VPS13B: variants seen among roughly 807,000 people sequenced by gnomAD.
VPS13B encodes the protein vacuolar protein sorting 13 homolog B.
Under a neutral mutation model 426.4 loss-of-function variants are expected in VPS13B, and 285 were observed. The ratio of observed to expected loss-of-function variants is 0.67; its 90% CI spans 0.61 to 0.74. The LOEUF is 0.74. VPS13B is among the 30% of genes least tolerant of loss of function. The pLI is 0.00. For missense variants in VPS13B, 4,537 were observed against 4,782.6 expected, an observed-to-expected ratio of 0.95 and a Z score of 1.51; for synonymous variants, 1,676 against 1,676.4, an observed-to-expected ratio of 1.00 and a Z score of 0.01.
intron 2 of VPS13B, among the ~76,000 whole-genome samples, chr8:99,030,135 C>CTTTTTTTTTTTTTTTTT (rs58542671): frequency 1.3e-5 from 1 of 75,744 alleles, no homozygotes; most frequent in Non-Finnish European, 2.4e-5. Flanking sequence ...AAAATACATG[C>CTTTTTTTTTTTTTTTTT]TTTTTTTTTT....
chr8:99,410,226 G>GT (rs1815559226), intron 21 of VPS13B, among the ~76,000 whole-genome samples: 1 of 152,020 alleles, frequency 6.6e-6, no homozygotes, highest in Non-Finnish European at 1.5e-5. Flanking sequence ...CTATCTCTTG[G>GT]TACCTTCAGG....
chr8:99,763,543 A>T (rs917084135), intron 39 of VPS13B, among the ~76,000 whole-genome samples: 2 of 152,226 alleles, frequency 1.3e-5, no homozygotes, highest in African/African-American at 4.8e-5. Context: ...TTTTAAAAAA[A>T]TTATTTGTGT....
intron 16 of VPS13B, among the ~76,000 whole-genome samples, chr8:99,189,061 G>A (rs1161616994): frequency 1.3e-5 from 2 of 152,034 alleles, no homozygotes; most frequent in Non-Finnish European, 2.9e-5. Context: ...CACCACGCCC[G>A]GCTAATTTTT....
At chr8:99,252,987 T>C (rs553458051) in intron 17 of VPS13B, among the ~76,000 whole-genome samples, 43 of 152,166 alleles carry the variant, frequency 2.8e-4, no homozygotes, top group African/African-American at 9.4e-4. Flanking sequence ...AAGCAATCAT[T>C]CCCCATTCCT....
intron 13 of VPS13B, among the ~76,000 whole-genome samples, chr8:99,146,843 TA>T (rs1432752909): frequency 6.6e-6 from 1 of 152,180 alleles, no homozygotes; most frequent in East Asian, 1.9e-4. Context: ...GTCCTGGGAT[TA>T]TAGGCATGAA....
At chr8:99,062,313 G>A (rs1399804255) in intron 3 of VPS13B, among the ~76,000 whole-genome samples, 4 of 152,148 alleles carry the variant, frequency 2.6e-5, no homozygotes, top group Non-Finnish European at 4.4e-5. Context: ...TGTTTATGTA[G>A]CAGTTCATAC....
intron 23 of VPS13B, among the ~76,000 whole-genome samples, chr8:99,467,147 A>G (rs908029578): frequency 3.3e-5 from 5 of 152,198 alleles, no homozygotes; most frequent in African/African-American, 1.2e-4. Flanking sequence ...AACTAGGGTA[A>G]GGGAAGAAGA....
intron 15 of VPS13B, among the ~76,000 whole-genome samples, chr8:99,166,092 G>T (rs993767670): frequency 1.4e-4 from 22 of 152,142 alleles, no homozygotes. Context: ...TGATTCTCCT[G>T]CCTCAGCCTC....
At chr8:99,301,697 A>C (rs1820376218) in intron 19 of VPS13B, among the ~76,000 whole-genome samples, 1 of 152,240 alleles carries the variant, frequency 6.6e-6, no homozygotes, top group African/African-American at 2.4e-5. Flanking sequence ...GTATTTATGT[A>C]AGATAAGGCA....
chr8:99,442,535 CCT>C lies in VPS13B; in HGVS notation c.3348_3349del (p.Cys1117PhefsTer8), dbSNP rs180177327. 1.1e-4 allele frequency: 179 copies of C among 1,613,806 alleles called. No individual in the cohort carries two copies. Among genetic ancestry groups the C allele is most frequent in the Non-Finnish European group, 1.7e-6 (2 of 1,179,920 alleles). On this transcript the variant is annotated frameshift_variant, in exon 23 of 62. Coordinates refer to ENST00000357162, the MANE Select transcript of VPS13B (RefSeq NM_152564.5). LOFTEE classifies it high-confidence loss of function. ...GQTSMPGTLV[L>X]CLPQIKIISA... is the part of the protein sequence containing the mutation. Reference sequence around the variant, plus strand: ...AAACCAGCATGCCGGGAACACTTGTCCTCTGTTTGCCTCAAATAAAGATTATT... The same window carrying C: ...AAACCAGCATGCCGGGAACACTTGTCCTGTTTGCCTCAAATAAAGATTATT...
intron 24 of VPS13B, among the ~76,000 whole-genome samples, chr8:99,478,447 G>GTTTTGTTTTTTTTTTTTT (rs1819822769): frequency 3.5e-5 from 3 of 85,758 alleles, no homozygotes; most frequent in South Asian, 3.7e-4. Context: ...TTTTTGTTTT[G>GTTTTGTTTTTTTTTTTTT]TTTTTTTTTT....
intron 25 of VPS13B, among the ~76,000 whole-genome samples, chr8:99,485,159 A>G (rs893085833): frequency 1.3e-5 from 2 of 152,174 alleles, no homozygotes; most frequent in Admixed American, 6.5e-5. Flanking sequence ...TTAACTAATT[A>G]TGTCATTTCA....
chr8:99,804,021 A>T (rs1018535567), intron 43 of VPS13B: 4 of 152,214 alleles, frequency 2.6e-5, no homozygotes, highest in Admixed American at 2.0e-4. Context: ...TTATCCCTGT[A>T]AGACAAATCT....
chr8:99,024,530 T>C (rs1010193364), intron 2 of VPS13B, among the ~76,000 whole-genome samples: 1 of 152,226 alleles, frequency 6.6e-6, no homozygotes, highest in Admixed American at 6.5e-5. Context: ...GATATCCAGT[T>C]TTCATGGCAC....
chr8:99,437,054 T>A (rs1485306881), intron 22 of VPS13B, among the ~76,000 whole-genome samples: 1 of 152,134 alleles, frequency 6.6e-6, no homozygotes, highest in Non-Finnish European at 1.5e-5. Flanking sequence ...GTCCATTTTT[T>A]AAGATGTTTT....
intron 19 of VPS13B, among the ~76,000 whole-genome samples, chr8:99,319,598 G>A (rs1312424415): frequency 6.6e-6 from 1 of 152,156 alleles, no homozygotes; most frequent in Non-Finnish European, 1.5e-5. Flanking sequence ...TGTCAGTACT[G>A]TCTCCTAATC....
In VPS13B at chr8:99,426,133, A is replaced by C. The variant is rs1015097545; in HGVS notation, c.3083-5404A>C. On this transcript the variant is annotated intron_variant, in intron 21 of 61. Transcript: ENST00000357162. ...TGTGTCCATGTGATCTCATTGTTCAATTCCCACCTATGAGTGAGAATATCC... is the reference window on the plus strand; with the variant it reads ...TGTGTCCATGTGATCTCATTGTTCACTTCCCACCTATGAGTGAGAATATCC... 2.7e-5 allele frequency among the ~76,000 whole-genome samples: 4 copies of C among 145,962 alleles called. 1 individual carries two copies. The highest frequency in any genetic ancestry group is 7.7e-5 in the African/African-American group (3 of 39,192).
chr8:99,528,618 G>A (rs1275362864), intron 30 of VPS13B, among the ~76,000 whole-genome samples: 1 of 152,046 alleles, frequency 6.6e-6, no homozygotes, highest in Admixed American at 6.6e-5. Flanking sequence ...TAGAAGTTTT[G>A]AACTTGCACC....
intron 3 of VPS13B, among the ~76,000 whole-genome samples, chr8:99,043,246 G>C (rs1843055296): frequency 6.6e-6 from 1 of 151,966 alleles, no homozygotes; most frequent in Non-Finnish European, 1.5e-5. Context: ...TTTACCATCA[G>C]GGATTTGATG....
Sources: allele counts gnomAD v4.1 joint callset (sites outside exome capture counted in the v4.1 genomes callset), GRCh38; gene constraint gnomAD v4.1.1; transcripts MANE v1.5; gene names NCBI Gene and HGNC (gene_info 2026-07-23, HGNC 2026-07-21).